The following OTUD7B variants were observed in gnomAD, a reference collection of about 807,000 sequenced individuals.
OTUD7B encodes OTU deubiquitinase 7B.
OTUD7B carries 34 observed loss-of-function variants against 82.2 expected under a neutral mutation model. The ratio of observed to expected loss-of-function variants is 0.41; its 90% CI spans 0.31 to 0.55. The LOEUF is 0.55. OTUD7B is among the 20% of genes least tolerant of loss of function. OTUD7B has a pLI of 0.20. For missense variants in OTUD7B, 944 were observed against 1,062.1 expected, an observed-to-expected ratio of 0.89 and a Z score of 1.55; for synonymous variants, 398 against 402.7, an observed-to-expected ratio of 0.99 and a Z score of 0.14.
chr1:149,976,610 T>A (rs1571671676), intron 2 of OTUD7B, among the ~76,000 whole-genome samples: 4 of 113,008 alleles, frequency 3.5e-5, no homozygotes, highest in Admixed American at 2.0e-4. Context: ...AAACTCCGTC[T>A]ACAAAAAAAA....
the OTUD7B span, among the ~76,000 whole-genome samples, chr1:150,042,222 G>C: frequency 6.7e-6 from 1 of 149,472 alleles, no homozygotes; most frequent in Non-Finnish European, 1.5e-5. Context: ...GCCCAGGCTG[G>C]AATGCAGTGG....
chr1:149,992,977 C>T (rs1279823317), intron 1 of OTUD7B, among the ~76,000 whole-genome samples: 1 of 151,740 alleles, frequency 6.6e-6, no homozygotes, highest in East Asian at 2.0e-4. Context: ...ATGGGGAAAC[C>T]CCATCTCTAC....
chr1:150,062,362 T>C, the OTUD7B span, among the ~76,000 whole-genome samples: 11 of 152,244 alleles, frequency 7.2e-5, no homozygotes, highest in Non-Finnish European at 1.3e-4. Context: ...TTTTTGGATA[T>C]GAAATGGTAA....
the OTUD7B span, among the ~76,000 whole-genome samples, chr1:150,048,986 C>T: frequency 6.6e-6 from 1 of 152,228 alleles, no homozygotes; most frequent in Admixed American, 6.5e-5. Flanking sequence ...GCGCCCGCCA[C>T]CACACTCGGC....
intron 7 of OTUD7B, among the ~76,000 whole-genome samples, chr1:149,958,322 C>CTTTTTTTTTTT (rs34299927): frequency 2.0e-4 from 17 of 86,398 alleles, no homozygotes; most frequent in East Asian, 3.9e-4. Context: ...AAAGGACTAC[C>CTTTTTTTTTTT]TTTTTTTTTT....
chr1:149,940,625 A>G lies in OTUD7B; in HGVS notation c.*3232T>C, dbSNP rs587704973. 48 of 152,260 alleles carry G rather than the reference A, an allele frequency of 3.2e-4. No individual in the cohort carries two copies. Among genetic ancestry groups the G allele is most frequent in the African/African-American group, 1.1e-3 (46 of 41,542 alleles). 9.4% of individuals were successfully genotyped at this position (152,260 alleles called of 1,614,324 possible). A position where few individuals can be genotyped will look rare whatever the true frequency, so the allele number is the denominator to read the frequency against. ...AAGGAACTAAGTGCACTTAAATTTA[A>G]GCCTGAGAGATGATATCATCCCTCA... On this transcript the variant is annotated 3_prime_UTR_variant, in exon 12 of 12. Transcript: ENST00000581312.
At position 149,950,214 on chromosome 1, in the gene OTUD7B, T is replaced by A. The variant is rs1209571725; in HGVS notation, c.853A>T (p.Ser285Cys). ...TNGANCGGVESSEEPVYESLE... is the reference protein window; with the variant it reads ...TNGANCGGVECSEEPVYESLE... ...CTCTCATATACAGGCTCCTCAGAAC[T>A]CTCCACCCTGGAACGACGGGAAGGG... is the stretch of plus-strand genomic sequence containing the variant. Residue 285 changes from serine to cysteine, a missense_variant, in exon 8 of 12, where the codon AGT (serine) becomes TGT (cysteine). Coordinates refer to ENST00000581312, the MANE Select transcript of OTUD7B (RefSeq NM_020205.4). 3 of 1,613,400 alleles carry A rather than the reference T, an allele frequency of 1.9e-6. No individual in the cohort carries two copies. Among genetic ancestry groups the A allele is most frequent in the Non-Finnish European group, 1.7e-6 (2 of 1,179,904 alleles).
rs587734013 is a variant in OTUD7B at position 149,948,206 on chromosome 1, C to T, written c.1238+763G>A. Among the ~76,000 whole-genome samples the T allele has an allele frequency of 4.0e-5, 6 of 149,986 alleles. No homozygotes were observed. In the East Asian group the frequency reaches 1.2e-3, roughly 30 times the overall value. ...GTTGGCCAGGCTGGTCTCAAACTCC[C>T]GACCTCAGGTGATCTGCCTGCCTCG... On this transcript the variant is annotated intron_variant, in intron 10 of 11. Transcript: ENST00000581312.
intron 1 of OTUD7B, among the ~76,000 whole-genome samples, chr1:149,983,450 A>T (rs587662205): frequency 6.6e-6 from 1 of 152,310 alleles, no homozygotes; most frequent in Non-Finnish European, 1.5e-5. Flanking sequence ...ATAATAAAGC[A>T]ATGTTAGAGA....
chr1:150,004,685 CCTTCATTTCA>C (rs1571738315), intron 1 of OTUD7B, among the ~76,000 whole-genome samples: 1 of 152,060 alleles, frequency 6.6e-6, no homozygotes, highest in East Asian at 1.9e-4. Context: ...AACCTACCCA[CCTTCATTTCA>C]CTACTGCTCA....
At chr1:150,027,805 ATATTC>A in the OTUD7B span, among the ~76,000 whole-genome samples, 7 of 151,966 alleles carry the variant, frequency 4.6e-5, no homozygotes, top group African/African-American at 1.7e-4. Context: ...TGAAATAATT[ATATTC>A]TATTCTATTT....
At chr1:150,019,045 C>A in the OTUD7B span, among the ~76,000 whole-genome samples, 1 of 152,190 alleles carries the variant, frequency 6.6e-6, no homozygotes, top group East Asian at 1.9e-4. Context: ...ATACACACAT[C>A]TACAATAATT....
At chr1:150,032,269 G>A in the OTUD7B span, among the ~76,000 whole-genome samples, 15 of 148,888 alleles carry the variant, frequency 1.0e-4, no homozygotes, top group Admixed American at 2.7e-4. Context: ...CCGAAATCCC[G>A]CCATTGCACT....
intron 1 of OTUD7B, among the ~76,000 whole-genome samples, chr1:149,983,884 G>A (rs1650956767): frequency 6.6e-6 from 1 of 152,200 alleles, no homozygotes; most frequent in African/African-American, 2.4e-5. Context: ...GATAAAAGCA[G>A]TGAAGGTTGA....
chr1:149,948,533 G>A (rs1553772627), intron 10 of OTUD7B, among the ~76,000 whole-genome samples: 2 of 151,560 alleles, frequency 1.3e-5, no homozygotes, highest in Non-Finnish European at 2.9e-5. Flanking sequence ...CACCACGCCT[G>A]GCTAATTTTT....
upstream of OTUD7B, among the ~76,000 whole-genome samples, chr1:150,011,456 AG>A (rs1448328064): frequency 2.0e-5 from 3 of 152,244 alleles, no homozygotes; most frequent in Admixed American, 1.3e-4. Context: ...CAGACATCAA[AG>A]GTTTTACAAT....
At chr1:149,978,282 G>C (rs1286494201) in intron 1 of OTUD7B, among the ~76,000 whole-genome samples, 1 of 152,204 alleles carries the variant, frequency 6.6e-6, no homozygotes, top group East Asian at 1.9e-4. Context: ...CGAGGCAGGT[G>C]TATCACCTGA....
chr1:150,032,465 GAA>G, the OTUD7B span, among the ~76,000 whole-genome samples: 8 of 85,746 alleles, frequency 9.3e-5, no homozygotes, highest in African/African-American at 3.5e-4. Flanking sequence ...CCTGTCTACA[GAA>G]AAAAAAAAAA....
intron 1 of OTUD7B, among the ~76,000 whole-genome samples, chr1:149,978,651 C>A (rs1233867446): frequency 6.6e-6 from 1 of 152,216 alleles, no homozygotes; most frequent in African/African-American, 2.4e-5. Flanking sequence ...TTTCTCCACA[C>A]AGGACAGATG....
Sources: allele counts gnomAD v4.1 joint callset (sites outside exome capture counted in the v4.1 genomes callset), GRCh38; gene constraint gnomAD v4.1.1; transcripts MANE v1.5; gene names NCBI Gene and HGNC (gene_info 2026-07-23, HGNC 2026-07-21).